The following LRRC4C variants were observed in gnomAD, a reference collection of about 807,000 sequenced individuals.
LRRC4C encodes the protein leucine rich repeat containing 4C, also known as leucine-rich repeat-containing protein 4C.
A neutral mutation model predicts 33.6 loss-of-function variants in LRRC4C; 5 were observed. The observed-to-expected ratio is 0.15, with a 90% CI of 0.08 to 0.31. The LOEUF (loss-of-function observed/expected upper bound fraction) is 0.31, where lower values mean the gene tolerates loss of function less well. LRRC4C is among the 10% of genes least tolerant of loss of function. LRRC4C has a pLI of 1.00. For missense variants in LRRC4C, 560 were observed against 796.7 expected (o/e 0.70, Z 3.58); for synonymous variants, 329 against 302.0 (o/e 1.09, Z -0.93).
chr11:40,673,596 G>C (rs1180304634), intron 2 of LRRC4C, among the ~76,000 whole-genome samples: 3 of 152,126 alleles, frequency 2.0e-5, no homozygotes, highest in Non-Finnish European at 4.4e-5. Flanking sequence ...GCTAGATGCT[G>C]TGTGCTTTAT....
intron 2 of LRRC4C, among the ~76,000 whole-genome samples, chr11:40,668,975 C>T (rs556525475): frequency 6.6e-6 from 1 of 152,300 alleles, no homozygotes; most frequent in African/African-American, 2.4e-5. Flanking sequence ...GTTTGATGTT[C>T]TAACCTCTAT....
At chr11:41,235,134 C>T (rs1947963068) in intron 1 of LRRC4C, among the ~76,000 whole-genome samples, 1 of 151,968 alleles carries the variant, frequency 6.6e-6, no homozygotes, top group Non-Finnish European at 1.5e-5. Context: ...TTTTTTACTA[C>T]CCCCAAGTCA....
intron 4 of LRRC4C, among the ~76,000 whole-genome samples, chr11:40,269,284 T>C (rs1487893175): frequency 3.3e-5 from 5 of 152,142 alleles, no homozygotes; most frequent in Admixed American, 2.6e-4. Flanking sequence ...AAAGTAAATA[T>C]CATGAAGACT....
intron 2 of LRRC4C, among the ~76,000 whole-genome samples, chr11:40,930,900 G>A (rs1271517057): frequency 6.6e-6 from 1 of 152,160 alleles, no homozygotes; most frequent in Non-Finnish European, 1.5e-5. Context: ...AAACAGAAAA[G>A]TTAATTAAAC....
At chr11:40,326,080 G>T (rs1421053569) in intron 3 of LRRC4C, among the ~76,000 whole-genome samples, 2 of 149,954 alleles carry the variant, frequency 1.3e-5, no homozygotes, top group East Asian at 2.0e-4. Flanking sequence ...AAAAAAAAAA[G>T]GTGGAATTTT....
rs185995638 is a variant in LRRC4C at position 40,326,404 on chromosome 11, A to G, written c.-269-6683T>C. ...TGGTGAAACCCAGTCTCTACTAAAA[A>G]TACAAAAATTAGCTGGGCATGGTGG... On this transcript the variant is annotated intron_variant, in intron 3 of 6. Transcript: ENST00000528697. Among the ~76,000 whole-genome samples the G allele has an allele frequency of 1.2e-3, 188 of 152,218 alleles. 1 individual carries two copies. The highest frequency in any genetic ancestry group is 4.2e-3 in the African/African-American group (176 of 41,550).
chr11:40,884,926 A>G (rs532640597), intron 2 of LRRC4C, among the ~76,000 whole-genome samples: 1 of 152,176 alleles, frequency 6.6e-6, no homozygotes, highest in Non-Finnish European at 1.5e-5. Context: ...TGGGAGCTAA[A>G]CAATGTGTAC....
At chr11:40,280,024 T>C (rs1943367367) in intron 4 of LRRC4C, among the ~76,000 whole-genome samples, 2 of 152,292 alleles carry the variant, frequency 1.3e-5, no homozygotes. Context: ...TCTGTGCATA[T>C]TTGCAGGGAA....
intron 1 of LRRC4C, among the ~76,000 whole-genome samples, chr11:41,422,357 G>A (rs947650828): frequency 3.3e-5 from 5 of 152,006 alleles, no homozygotes; most frequent in Non-Finnish European, 5.9e-5. Flanking sequence ...TGTGACAGTT[G>A]CTACCCATAA....
chr11:40,585,820 G>C (rs1958707537), intron 3 of LRRC4C, among the ~76,000 whole-genome samples: 1 of 136,114 alleles, frequency 7.3e-6, no homozygotes. Flanking sequence ...TTTTATGGCT[G>C]CATAGTATTC....
At chr11:40,623,096 A>G (rs1034301430) in intron 3 of LRRC4C, among the ~76,000 whole-genome samples, 1 of 151,672 alleles carries the variant, frequency 6.6e-6, no homozygotes, top group African/African-American at 2.4e-5. Context: ...GTTGTATTTT[A>G]GAATCTACCA....
At chr11:40,275,624 A>G (rs897378428) in intron 4 of LRRC4C, among the ~76,000 whole-genome samples, 1 of 152,102 alleles carries the variant, frequency 6.6e-6, no homozygotes, top group Non-Finnish European at 1.5e-5. Flanking sequence ...AACTCAGCAA[A>G]AGAGAGTTTC....
chr11:41,259,484 G>A (rs1196871384), intron 1 of LRRC4C, among the ~76,000 whole-genome samples: 12 of 151,870 alleles, frequency 7.9e-5, no homozygotes, highest in Admixed American at 7.9e-4. Context: ...TGATTTTAAG[G>A]AATACAAGTA....
intron 3 of LRRC4C, among the ~76,000 whole-genome samples, chr11:40,422,579 T>A (rs1390896395): frequency 6.6e-6 from 1 of 152,174 alleles, no homozygotes; most frequent in East Asian, 1.9e-4. Flanking sequence ...CAACTTGGTC[T>A]ATAAAAGAAG....
intron 3 of LRRC4C, among the ~76,000 whole-genome samples, chr11:40,632,097 T>A (rs557152451): frequency 1.1e-4 from 17 of 152,228 alleles, no homozygotes; most frequent in Non-Finnish European, 2.2e-4. Context: ...ACTTCAGAAC[T>A]ACTGATTTGA....
chr11:40,303,286 A>G (rs1035470830), intron 4 of LRRC4C, among the ~76,000 whole-genome samples: 6 of 152,008 alleles, frequency 3.9e-5, no homozygotes, highest in African/African-American at 1.2e-4. Flanking sequence ...AGTTTTATTA[A>G]TTTGCGTATT....
chr11:40,995,713 G>T (rs1853920877), intron 1 of LRRC4C, among the ~76,000 whole-genome samples: 1 of 152,024 alleles, frequency 6.6e-6, no homozygotes, highest in Non-Finnish European at 1.5e-5. Context: ...TATAAAAGCA[G>T]AATTCACCCA....
chr11:41,181,493 A>G (rs1229486870), intron 1 of LRRC4C, among the ~76,000 whole-genome samples: 1 of 152,194 alleles, frequency 6.6e-6, no homozygotes, highest in African/African-American at 2.4e-5. Flanking sequence ...GCTGTTATAT[A>G]GGATCCCCAA....
intron 1 of LRRC4C, among the ~76,000 whole-genome samples, chr11:40,952,222 G>A (rs1403703836): frequency 6.6e-6 from 1 of 151,772 alleles, no homozygotes; most frequent in Non-Finnish European, 1.5e-5. Flanking sequence ...CAAAGAAGAG[G>A]GATATGGATC....
Sources: gnomAD v4.1 joint callset for allele counts (sites outside exome capture counted in the v4.1 genomes callset) on GRCh38, gnomAD v4.1.1 for gene constraint, MANE v1.5 for transcripts, NCBI Gene and HGNC (gene_info 2026-07-23, HGNC 2026-07-21) for gene names.